Variants in DENND4A observed in about 807,000 individuals in gnomAD.
DENND4A encodes C-myc promoter-binding protein.
DENND4A carries 70 observed loss-of-function variants against 199.3 expected under a neutral mutation model. The ratio of observed to expected loss-of-function variants is 0.35; its 90% CI spans 0.29 to 0.43. The LOEUF (loss-of-function observed/expected upper bound fraction) is 0.43, where lower values mean the gene tolerates loss of function less well. Ranked by LOEUF, DENND4A falls within the 20% of genes least tolerant of loss-of-function variation. The probability of loss-of-function intolerance (pLI) is 1.00; values close to 1 mark genes in which losing one functional copy is unlikely to be tolerated. For synonymous variants in DENND4A, 686 were observed against 766.9 expected, an observed-to-expected ratio of 0.89 and a Z score of 1.74; for missense variants, 1,723 against 2,255.8, an observed-to-expected ratio of 0.76 and a Z score of 4.78.
At chr15:65,729,400 T>G (rs2075896244) in intron 10 of DENND4A, 134 bp downstream of exon 10, 2 of 1,402,140 alleles carry the variant, frequency 1.4e-6, no homozygotes, top group Admixed American at 4.3e-5. Context: ...GGTCAGGAAA[T>G]CAAAACTGCT....
In DENND4A at chr15:65,661,713, C is replaced by T; in HGVS notation, c.*138G>A. On this transcript the variant is annotated 3_prime_UTR_variant, in exon 33 of 33. Transcript: ENST00000443035. ...TATTCTCTTCTTCAAACATTCTGTACATAAGCTGTCTGAGTCTTTTGAACC... is the reference window on the plus strand; with the variant it reads ...TATTCTCTTCTTCAAACATTCTGTATATAAGCTGTCTGAGTCTTTTGAACC... The T allele has an allele frequency of 1.4e-6, 1 of 705,552 alleles. No homozygotes were observed. The highest frequency in any genetic ancestry group is 2.2e-6 in the Non-Finnish European group (1 of 457,760). The allele number at this position is 705,552 out of a possible 1,614,324, so 43.7% of individuals were successfully genotyped here.
intron 9 of DENND4A, 180 bp downstream of exon 9, chr15:65,731,462 A>G (rs1190708264): frequency 1.6e-6 from 1 of 633,038 alleles, no homozygotes; most frequent in South Asian, 1.5e-5. Flanking sequence ...ACACTATTAG[A>G]AAAGTTTCCT....
At chr15:65,668,428 C>G (rs890992528) in intron 27 of DENND4A, among the ~76,000 whole-genome samples, 1 of 152,046 alleles carries the variant, frequency 6.6e-6, no homozygotes, top group African/African-American at 2.4e-5. Flanking sequence ...AGGCTGGTCT[C>G]GAACTCCCAG....
rs780271736 is a variant in DENND4A, at chr15:65,738,847, AT to A, written c.659del (p.Asp220ValfsTer41). On this transcript the variant is annotated frameshift_variant, in exon 6 of 33. Coordinates refer to ENST00000443035, the MANE Select transcript of DENND4A (RefSeq NM_001320835.1). LOFTEE classifies it high-confidence loss of function. ...ATTCCGGTAGTGAGAATGACTCATA[AT>A]CTTCTTGAGGATATCTACAAATTAG... ...AGLICRYPQE[D>X]YESFSLPESV... 6.2e-7 allele frequency: 1 copy of A among 1,604,192 alleles called. No homozygotes were observed. Among genetic ancestry groups the A allele is most frequent in the Non-Finnish European group, 8.5e-7 (1 of 1,176,216 alleles).
rs181898550 is a variant in DENND4A at position 65,716,942 on chromosome 15, C to T, written c.1807+836G>A. Among the ~76,000 whole-genome samples, 110 of 152,292 alleles carry T rather than the reference C, an allele frequency of 7.2e-4. 3 individuals are homozygous for T. The highest frequency in any genetic ancestry group is 2.3e-3 in the African/African-American group (97 of 41,570). The stretch of plus-strand genomic sequence containing the variant: ...GACTTTTTAATGATTGCCATTCTAA[C>T]TGGCGTGAGATGGTATCTCATTGTG... On this transcript the variant is annotated intron_variant, in intron 13 of 32. Transcript: ENST00000443035.
At chr15:65,731,388 T>TACACAC (rs532310844) in intron 9 of DENND4A, 2 of 501,350 alleles carry the variant, frequency 4.0e-6, no homozygotes, top group Admixed American at 2.3e-5. Flanking sequence ...CATACATAAA[T>TACACAC]ACACACACAC....
At chr15:65,775,499 G>A (rs2077260487) in intron 1 of DENND4A, among the ~76,000 whole-genome samples, 1 of 151,468 alleles carries the variant, frequency 6.6e-6, no homozygotes, top group African/African-American at 2.4e-5. Flanking sequence ...AAATTAGCCG[G>A]GTGTGGTGAT....
chr15:65,740,385 G>T (rs2076226940), intron 5 of DENND4A, among the ~76,000 whole-genome samples: 1 of 151,018 alleles, frequency 6.6e-6, no homozygotes, highest in South Asian at 2.1e-4. Context: ...TGAAGTGGAA[G>T]GATCACTTGA....
intron 23 of DENND4A, among the ~76,000 whole-genome samples, chr15:65,681,634 A>T (rs1482310580): frequency 6.7e-6 from 1 of 149,622 alleles, no homozygotes; most frequent in Non-Finnish European, 1.5e-5. Flanking sequence ...TGGAGTACAG[A>T]CAGTCATCTC....
chr15:65,695,090 G>A (rs2077098184), intron 22 of DENND4A, among the ~76,000 whole-genome samples: 1 of 152,098 alleles, frequency 6.6e-6, no homozygotes, highest in South Asian at 2.1e-4. Flanking sequence ...ATGACATTGA[G>A]GAAAAATTTT....
chr15:65,720,242 TGTC>T (rs1413138119), intron 12 of DENND4A, among the ~76,000 whole-genome samples: 1 of 152,244 alleles, frequency 6.6e-6, no homozygotes, highest in Middle Eastern at 3.4e-3. Context: ...TCTATTCAAA[TGTC>T]ATGAAGCATC....
intron 13 of DENND4A, among the ~76,000 whole-genome samples, chr15:65,716,749 G>C (rs958669207): frequency 6.6e-6 from 1 of 151,582 alleles, no homozygotes; most frequent in East Asian, 1.9e-4. Flanking sequence ...ATAGTCCTTT[G>C]GGTATATACC....
Position 65,668,054 on chromosome 15 carries a change from A to G in DENND4A, c.4857T>C (p.Ala1619=). The change falls in exon 28 of 33, where the codon GCT becomes GCC. Residue 1619 remains alanine (A), a synonymous_variant. Coordinates refer to ENST00000443035, the MANE Select transcript of DENND4A (RefSeq NM_001320835.1). ...TTGGAAATATTGGACATTTAGACAT[A>G]GCTGTTTTTGATCTATTAGCAGGGA... ...IQIPANRSKT[A]MSKCPIFPMA... 1 of 1,611,866 alleles carries G rather than the reference A, an allele frequency of 6.2e-7. No individual in the cohort carries two copies. The highest frequency in any genetic ancestry group is 8.5e-7 in the Non-Finnish European group (1 of 1,179,384).
intron 11 of DENND4A, chr15:65,727,918 G>A (rs912055059): frequency 9.8e-6 from 2 of 204,818 alleles, no homozygotes; most frequent in Non-Finnish European, 2.0e-5. Context: ...CATCCCTAGG[G>A]TGTAAAGATA....
chr15:65,700,340 CTT>C (rs1245214826), intron 20 of DENND4A, among the ~76,000 whole-genome samples: 1 of 151,948 alleles, frequency 6.6e-6, no homozygotes, highest in Non-Finnish European at 1.5e-5. Flanking sequence ...TATAACCTCT[CTT>C]AAAACTTTTA....
intron 11 of DENND4A, among the ~76,000 whole-genome samples, chr15:65,723,705 G>T (rs1399884376): frequency 6.6e-6 from 1 of 151,944 alleles, no homozygotes; most frequent in Non-Finnish European, 1.5e-5. Flanking sequence ...TATAAATTAG[G>T]CACAGTAAGG....
At chr15:65,789,271 C>G (rs2077651543) in intron 1 of DENND4A, among the ~76,000 whole-genome samples, 1 of 152,132 alleles carries the variant, frequency 6.6e-6, no homozygotes, top group East Asian at 1.9e-4. Context: ...ACTGCAGTCT[C>G]AAACTCCTGG....
At chr15:65,666,086 A>G (rs565444558) in intron 29 of DENND4A, among the ~76,000 whole-genome samples, 1 of 152,372 alleles carries the variant, frequency 6.6e-6, no homozygotes, top group South Asian at 2.1e-4. Context: ...GAATTTCAAT[A>G]GTCCCCCTTT....
chr15:65,703,099 A>G (rs2074932392), intron 15 of DENND4A, 91 bp from the exon 16 acceptor site: 4 of 1,170,876 alleles, frequency 3.4e-6, no homozygotes, highest in Admixed American at 2.6e-5. Context: ...ATTACGACCA[A>G]TAACTTCTTC....
Sources: gnomAD v4.1 joint callset for allele counts (sites outside exome capture counted in the v4.1 genomes callset) on GRCh38, gnomAD v4.1.1 for gene constraint, MANE v1.5 for transcripts, NCBI Gene and HGNC (gene_info 2026-07-23, HGNC 2026-07-21) for gene names.